Variants in GCN1 observed in about 807,000 individuals in gnomAD.
GCN1 encodes GCN1 activator of EIF2AK4.
GCN1 carries 90 observed loss-of-function variants against 288.4 expected under a neutral mutation model. The observed-to-expected ratio is 0.31, with a 90% confidence interval of 0.26 to 0.37. The LOEUF is 0.37. Ranked by LOEUF, GCN1 falls within the 10% of genes least tolerant of loss-of-function variation. The probability of loss-of-function intolerance (pLI) is 1.00; values close to 1 mark genes in which losing one functional copy is unlikely to be tolerated. For synonymous variants in GCN1, 1,386 were observed against 1,420.2 expected (o/e 0.98, Z 0.54); for missense variants, 2,586 against 3,419.9 (o/e 0.76, Z 6.08).
In GCN1 at chr12:120,127,859, A is replaced by T; in HGVS notation, c.8006T>A (p.Ile2669Asn). The change falls in exon 58 of 58, where the codon ATC becomes AAC. Residue 2669 changes from isoleucine to asparagine, a missense_variant. By Grantham distance (149) the Ile-to-Asn change is moderately radical. Coordinates refer to ENST00000300648, the MANE Select transcript of GCN1 (RefSeq NM_006836.2). Reference protein sequence around the residue: ...ADSTEQVDDTILT With the variant: ...ADSTEQVDDTNLT ...GCTGGCCCAGGCCTCTCATGTCAGG[A>T]TGGTGTCGTCCACCTGCTCCGTGGA... 4.3e-6 allele frequency: 7 copies of T among 1,614,184 alleles called. No individual in the cohort carries two copies. The highest frequency in any genetic ancestry group is 5.9e-6 in the Non-Finnish European group (7 of 1,180,014).
At position 120,142,943 on chromosome 12, in the gene GCN1, T is replaced by C. The variant is rs1476233359; in HGVS notation, c.5496-2A>G. 1 of 1,584,002 alleles carries C rather than the reference T, an allele frequency of 6.3e-7. No individual in the cohort carries two copies. The highest frequency in any genetic ancestry group is 8.7e-7 in the Non-Finnish European group (1 of 1,152,664). On this transcript the variant is annotated splice_acceptor_variant, in intron 42 of 57. Transcript: ENST00000300648. LOFTEE classifies it high-confidence loss of function. This position sits in a 1 kb window ranked among gnomAD's most constrained non-coding sequence, Gnocchi z 4.9. Reference sequence around the variant, plus strand: ...CCAAGGAGCTGAACAGAGCTGAACCTGAGAAGGAGGCCAACAACACAGTCA... The same window carrying C: ...CCAAGGAGCTGAACAGAGCTGAACCCGAGAAGGAGGCCAACAACACAGTCA...
rs775516739 is a variant in GCN1 at position 120,134,615 on chromosome 12, G to A, written c.7120C>T (p.Leu2374Phe). 1 of 1,614,138 alleles carries A rather than the reference G, an allele frequency of 6.2e-7. No individual in the cohort carries two copies. Residue 2374 changes from leucine to phenylalanine, a missense_variant, in exon 52 of 58, where the codon CTC becomes TTC. This residue lies in a region of GCN1 where 355 missense variants were observed against 431.1 expected (regional missense o/e 0.82). Coordinates refer to ENST00000300648, the MANE Select transcript of GCN1 (RefSeq NM_006836.2). This position sits in a 1 kb window ranked among gnomAD's most constrained non-coding sequence, Gnocchi z 5.0. Reference sequence around the variant, plus strand: ...TCCACCTTAATGTGGATGGAAATGAGCTTCCCCAGAGCATCTGCGGCCTTC... The same window carrying A: ...TCCACCTTAATGTGGATGGAAATGAACTTCCCCAGAGCATCTGCGGCCTTC... The part of the protein sequence containing the change: ...RLKAADALGK[L>F]ISIHIKVDPL...
At chr12:120,130,199 T>A (rs1566295518) in intron 56 of GCN1, among the ~76,000 whole-genome samples, 1 of 152,150 alleles carries the variant, frequency 6.6e-6, no homozygotes, top group Admixed American at 6.6e-5. Context: ...GCACGCCATA[T>A]CACACGGGCC....
intron 54 of GCN1, among the ~76,000 whole-genome samples, 197 bp from the exon 55 acceptor site, chr12:120,131,530 A>C (rs1406449259): frequency 6.6e-6 from 1 of 152,210 alleles, no homozygotes; most frequent in Non-Finnish European, 1.5e-5. Flanking sequence ...AAAGTAAGGA[A>C]AGCCTGCTCA....
intron 7 of GCN1, 55 bp from the exon 8 acceptor site, chr12:120,177,807 G>A (rs1878528180): frequency 1.6e-6 from 2 of 1,243,644 alleles, no homozygotes; most frequent in Admixed American, 1.7e-5. Context: ...TCTCATCACT[G>A]GCCTAAGGGG....
At position 120,155,241 on chromosome 12, in the gene GCN1, G is replaced by A. The variant is rs60553526; in HGVS notation, c.3630C>T (p.Tyr1210=). Residue 1210 remains tyrosine, a splice_region_variant and synonymous_variant, in exon 30 of 58, where the codon TAC becomes TAT. Transcript: ENST00000300648. This position sits in a 1 kb window ranked among gnomAD's most constrained non-coding sequence, Gnocchi z 4.9. ...RLMEIYQEKL[Y]RPPPVLDALG... is the part of the protein sequence containing the mutation. Reference sequence around the variant, plus strand: ...CATCAGGGCTGCACAGGTCACTCACGTAGAGCTTTTCCTGGTAAATCTCCA... The same window carrying A: ...CATCAGGGCTGCACAGGTCACTCACATAGAGCTTTTCCTGGTAAATCTCCA... 465 of 1,614,012 alleles carry A rather than the reference G, an allele frequency of 2.9e-4. No homozygotes were observed. The African/African-American group carries it at 5.3e-3, about 19-fold the overall frequency.
chr12:120,158,654 C>A lies in GCN1; in HGVS notation c.2750-39G>T. On this transcript the variant is annotated intron_variant, in intron 24 of 57. Transcript: ENST00000300648. The surrounding 1 kb of genome is among the most constrained non-coding windows in gnomAD (Gnocchi z 4.3). ...GAGAGACCCAGCAGGAGATGACACA[C>A]AGAGATGTGGAATCCAGCCCAGGCT... 1 of 1,551,482 alleles carries A rather than the reference C, an allele frequency of 6.4e-7. No homozygotes were observed. The highest frequency in any genetic ancestry group is 1.2e-5 in the South Asian group (1 of 82,544).
intron 38 of GCN1, 59 bp from the exon 39 acceptor site, chr12:120,145,389 T>G: frequency 1.1e-4 from 140 of 1,225,816 alleles, no homozygotes; most frequent in Non-Finnish European, 1.4e-4. Context: ...TCCAGGCCTG[T>G]TCCACTGTGG....
chr12:120,176,735 GTGCA>G (rs1566316849), intron 9 of GCN1, among the ~76,000 whole-genome samples: 1 of 152,030 alleles, frequency 6.6e-6, no homozygotes, highest in African/African-American at 2.4e-5. Context: ...ATATACTTTT[GTGCA>G]TTCTTCTGAC....
In GCN1 at chr12:120,137,648, G is replaced by C. The variant is rs564948181; in HGVS notation, c.6560C>G (p.Thr2187Ser). ...CGAGACCAGGCTCCGCAGGTGGCTG[G>C]TGTAGTCAGCCTTTGAGCGGGAACA... ...IYCSRSKADY[T>S]SHLRSLVSGL... Residue 2187 changes from threonine (T) to serine (S), a missense_variant, in exon 49 of 58, where the codon ACC (threonine) becomes AGC (serine). Around this residue, in one of 8 missense-constraint regions of GCN1, gnomAD observed 437 missense variants for 570.5 expected, o/e 0.77. Coordinates refer to ENST00000300648, the MANE Select transcript of GCN1 (RefSeq NM_006836.2). This position sits in a 1 kb window ranked among gnomAD's most constrained non-coding sequence, Gnocchi z 5.2. 8 of 1,614,190 alleles carry C rather than the reference G, an allele frequency of 5.0e-6. No individual in the cohort carries two copies. In the African/African-American group the frequency reaches 5.3e-5, roughly 11 times the overall value.
intron 2 of GCN1, among the ~76,000 whole-genome samples, chr12:120,186,639 T>C (rs1282109371): frequency 6.6e-6 from 1 of 152,134 alleles, no homozygotes; most frequent in Non-Finnish European, 1.5e-5. Flanking sequence ...GACCACTGCA[T>C]TGGTCCATGT....
chr12:120,128,993 A>G (rs1463348405), intron 57 of GCN1, among the ~76,000 whole-genome samples: 1 of 151,480 alleles, frequency 6.6e-6, no homozygotes, highest in African/African-American at 2.4e-5. Context: ...GCCGCCCACC[A>G]CGCCTGGCTA....
chr12:120,193,959 A>G (rs1413511068), intron 1 of GCN1, among the ~76,000 whole-genome samples: 1 of 152,180 alleles, frequency 6.6e-6, no homozygotes, highest in Non-Finnish European at 1.5e-5. Context: ...TTTTCACCTT[A>G]AAACATAACA....
At position 120,156,812 on chromosome 12, in the gene GCN1, T is replaced by C. The variant is rs899820975; in HGVS notation, c.3168+100A>G. The C allele has an allele frequency of 1.1e-5, 11 of 1,000,160 alleles. No homozygotes were observed. Among genetic ancestry groups the C allele is most frequent in the African/African-American group, 3.2e-5 (2 of 63,094 alleles). 62.0% of individuals were successfully genotyped at this position (1,000,160 alleles called of 1,614,324 possible). A position where few individuals can be genotyped will look rare whatever the true frequency, so the allele number is the denominator to read the frequency against. The stretch of plus-strand genomic sequence containing the variant: ...CAGTCTTTCTACCAAAGTCCAAAAG[T>C]AAGGGCTGAAAGGAAACTAGGACTC... On this transcript the variant is annotated intron_variant, in intron 27 of 57. Coordinates refer to ENST00000300648, the MANE Select transcript of GCN1 (RefSeq NM_006836.2). The surrounding 1 kb of genome is among the most constrained non-coding windows in gnomAD (Gnocchi z 5.8).
chr12:120,140,844 T>C lies in GCN1; in HGVS notation c.5994+15A>G. 1 of 1,611,318 alleles carries C rather than the reference T, an allele frequency of 6.2e-7. No homozygotes were observed. ...CTGCAGTGCACAGCTGGCGGGATCC[T>C]TGGAAGATACTCACGGCATCCCGGC... On this transcript the variant is annotated intron_variant, in intron 45 of 57. Transcript: ENST00000300648.
chr12:120,151,042 C>G, intron 34 of GCN1, 103 bp downstream of exon 34: 1 of 1,316,972 alleles, frequency 7.6e-7, no homozygotes, highest in Non-Finnish European at 1.1e-6. Context: ...AGTACACGCA[C>G]AAGCAACGGC....
intron 5 of GCN1, among the ~76,000 whole-genome samples, chr12:120,181,028 A>C (rs1280729938): frequency 6.6e-6 from 1 of 152,128 alleles, no homozygotes; most frequent in Non-Finnish European, 1.5e-5. Context: ...GCAAGCAAGC[A>C]GATATGCTTG....
At chr12:120,154,514 ATC>A (rs1053266797) in intron 31 of GCN1, among the ~76,000 whole-genome samples, 1 of 152,236 alleles carries the variant, frequency 6.6e-6, no homozygotes, top group Non-Finnish European at 1.5e-5. Context: ...GCTCCCAGAC[ATC>A]TGTCTAATCC....
At chr12:120,190,243 G>C in intron 2 of GCN1, 55 bp downstream of exon 2, 1 of 664,594 alleles carries the variant, frequency 1.5e-6, no homozygotes, top group Non-Finnish European at 2.5e-6. Context: ...AAAAAAAAAA[G>C]AAAGAAAGAA....
Sources: gnomAD v4.1 joint callset for allele counts (sites outside exome capture counted in the v4.1 genomes callset) on GRCh38, gnomAD v4.1.1 for gene constraint, gnomAD v4.1.1 regional missense constraint, Gnocchi (gnomAD v3.1) non-coding constraint, MANE v1.5 for transcripts, NCBI Gene and HGNC (gene_info 2026-07-23, HGNC 2026-07-21) for gene names.